The following GRIK4 variants were observed in gnomAD, a reference collection of about 807,000 sequenced individuals.
The protein encoded by GRIK4 is glutamate ionotropic receptor kainate type subunit 4, also known as glutamate receptor ionotropic, kainate 4.
Under a neutral mutation model 104.9 loss-of-function variants are expected in GRIK4, and 40 were observed. That is an observed-to-expected ratio of 0.38 (90% confidence interval 0.30 to 0.50). The LOEUF (loss-of-function observed/expected upper bound fraction) is 0.50. Among genes scored for constraint, GRIK4 ranks in the 20% least tolerant of loss-of-function variants. The pLI, the probability that GRIK4 is intolerant of heterozygous loss-of-function variation, is 0.93. For synonymous variants in GRIK4, 485 were observed against 524.9 expected, an observed-to-expected ratio of 0.92 and a Z score of 1.04; for missense variants, 1,047 against 1,308.1, an observed-to-expected ratio of 0.80 and a Z score of 3.08.
At chr11:120,707,239 A>G (rs887774900) in intron 3 of GRIK4, among the ~76,000 whole-genome samples, 3 of 152,150 alleles carry the variant, frequency 2.0e-5, no homozygotes, top group African/African-American at 7.2e-5. Context: ...AGGACCACAC[A>G]CTGTGGGAGC....
chr11:120,719,967 C>G (rs1472281255), intron 3 of GRIK4, among the ~76,000 whole-genome samples: 1 of 147,498 alleles, frequency 6.8e-6, no homozygotes, highest in Non-Finnish European at 1.5e-5. Context: ...CCCTAAAGAT[C>G]AATTCAAGAA....
chr11:120,898,776 A>G, intron 12 of GRIK4, 137 bp downstream of exon 12: 1 of 629,850 alleles, frequency 1.6e-6, no homozygotes, highest in South Asian at 1.9e-5. Context: ...CAGCGTAATT[A>G]CACTCAAGTT....
chr11:120,521,071 T>TTTTTG (rs150979004), intron 1 of GRIK4, among the ~76,000 whole-genome samples: 6 of 152,044 alleles, frequency 3.9e-5, no homozygotes, highest in African/African-American at 7.3e-5. Context: ...CCATTTTCTT[T>TTTTTG]TTTTGTTTTG....
intron 8 of GRIK4, among the ~76,000 whole-genome samples, chr11:120,858,741 GT>G (rs2135623109): frequency 6.6e-6 from 1 of 152,264 alleles, no homozygotes; most frequent in African/African-American, 2.4e-5. Context: ...GATGTTCATT[GT>G]TTGTAAACTA....
At chr11:120,786,078 C>G (rs1184860302) in intron 3 of GRIK4, among the ~76,000 whole-genome samples, 1 of 152,220 alleles carries the variant, frequency 6.6e-6, no homozygotes, top group Non-Finnish European at 1.5e-5. Context: ...GCCTGCCGTT[C>G]TCATGTAGGG....
In GRIK4 at chr11:120,962,533, A is replaced by G. The variant is rs764038347; in HGVS notation, c.2118A>G (p.Thr706=). 8.1e-6 allele frequency: 13 copies of G among 1,613,996 alleles called. No individual in the cohort carries two copies. The Admixed American group carries it at 1.8e-4, about 23-fold the overall frequency. ...SKQPSVFVKS[T]EEGIARVLNS... is the part of the protein sequence containing the mutation. ...AGCCCAGCGTGTTCGTGAAGAGCAC[A>G]GAGGAGGGAATCGCCAGGGTGTTGA... Residue 706 remains threonine (T), a synonymous_variant, in exon 18 of 21, where the codon ACA becomes ACG. Transcript: ENST00000527524.
chr11:120,892,079 C>G (rs1452892790), intron 11 of GRIK4, among the ~76,000 whole-genome samples: 1 of 152,142 alleles, frequency 6.6e-6, no homozygotes, highest in East Asian at 1.9e-4. Context: ...AACTCCTAAA[C>G]TAGCTGAAAG....
At chr11:120,520,894 G>A (rs117873836) in intron 1 of GRIK4, among the ~76,000 whole-genome samples, 3,118 of 152,184 alleles carry the variant, frequency 0.02, 98 homozygotes, top group Non-Finnish European at 0.024. Flanking sequence ...GGCTGATGAT[G>A]GGATGGAAAC....
chr11:120,730,636 A>G (rs1052159863), intron 3 of GRIK4, among the ~76,000 whole-genome samples: 2 of 152,066 alleles, frequency 1.3e-5, no homozygotes, highest in African/African-American at 2.4e-5. Flanking sequence ...ATTGCACTGC[A>G]TCTGTAGATG....
At chr11:120,861,178 G>A (rs1191778222) in intron 8 of GRIK4, among the ~76,000 whole-genome samples, 1 of 135,560 alleles carries the variant, frequency 7.4e-6, no homozygotes, top group Non-Finnish European at 1.5e-5. Context: ...GCACAATCTC[G>A]GCTCACTGCA....
intron 16 of GRIK4, among the ~76,000 whole-genome samples, chr11:120,959,834 T>A (rs1036808197): frequency 6.6e-6 from 1 of 152,260 alleles, no homozygotes. Flanking sequence ...TTATTAAAGA[T>A]GTTCTGTTGT....
chr11:120,843,357 G>A (rs979866340), intron 8 of GRIK4, among the ~76,000 whole-genome samples: 2 of 152,262 alleles, frequency 1.3e-5, no homozygotes, highest in Non-Finnish European at 2.9e-5. Flanking sequence ...GGAATCTAGA[G>A]AGAAGGGACT....
intron 1 of GRIK4, among the ~76,000 whole-genome samples, chr11:120,582,379 G>A (rs1948597111): frequency 6.6e-6 from 1 of 151,844 alleles, no homozygotes; most frequent in South Asian, 2.1e-4. Context: ...TGCATGTCAT[G>A]GGGGTTTGGT....
chr11:120,733,812 A>G (rs1951180420), intron 3 of GRIK4, among the ~76,000 whole-genome samples: 1 of 149,286 alleles, frequency 6.7e-6, no homozygotes, highest in African/African-American at 2.5e-5. Flanking sequence ...ATCTTGGCTC[A>G]CTGCAACCTC....
rs145872817 is a variant in GRIK4 at position 120,802,552 on chromosome 11, C to T, written c.83-141C>T. The T allele has an allele frequency of 8.0e-4, 561 of 702,742 alleles. 2 individuals carry two copies. Among genetic ancestry groups the T allele is most frequent in the African/African-American group, 4.0e-3 (229 of 56,684 alleles). The allele number at this position is 702,742 out of a possible 1,614,324, so 43.5% of individuals were successfully genotyped here. ...CTTGGAGAGAACTTGTTCTGGGGGA[C>T]GGTTCTGAGCATGGCAGGATGGAGA... is the stretch of plus-strand genomic sequence containing the variant. On this transcript the variant is annotated intron_variant, in intron 3 of 20. Coordinates refer to ENST00000527524, the MANE Select transcript of GRIK4 (RefSeq NM_014619.5).
chr11:120,685,892 G>A (rs1350895548), intron 3 of GRIK4, among the ~76,000 whole-genome samples: 1 of 151,978 alleles, frequency 6.6e-6, no homozygotes, highest in Non-Finnish European at 1.5e-5. Flanking sequence ...GGGCAATCTT[G>A]TGCCCTCCCT....
At chr11:120,838,771 T>G (rs1024300765) in intron 8 of GRIK4, among the ~76,000 whole-genome samples, 9 of 151,578 alleles carry the variant, frequency 5.9e-5, no homozygotes, top group Non-Finnish European at 1.2e-4. Flanking sequence ...TATTTTGTTT[T>G]TGTGTGTGTG....
At chr11:120,742,522 TA>T (rs200009902) in intron 3 of GRIK4, among the ~76,000 whole-genome samples, 55 of 70,564 alleles carry the variant, frequency 7.8e-4, no homozygotes, top group Admixed American at 1.6e-3. Context: ...TTATTATTAT[TA>T]TTATTTTTTT....
chr11:120,525,749 C>G (rs1947848541), intron 1 of GRIK4, among the ~76,000 whole-genome samples: 1 of 152,104 alleles, frequency 6.6e-6, no homozygotes, highest in Non-Finnish European at 1.5e-5. Context: ...GCGGCCTTAA[C>G]TGGGGCACAG....
Sources: allele counts gnomAD v4.1 joint callset (sites outside exome capture counted in the v4.1 genomes callset), GRCh38; gene constraint gnomAD v4.1.1; transcripts MANE v1.5; gene names NCBI Gene and HGNC (gene_info 2026-07-23, HGNC 2026-07-21).